The following MAGI1 variants were observed in gnomAD, a reference collection of about 807,000 sequenced individuals.
MAGI1 encodes membrane-associated guanylate kinase, WW and PDZ domain-containing protein 1.
A neutral mutation model predicts 139.9 loss-of-function variants in MAGI1; 58 were observed. The ratio of observed to expected loss-of-function variants is 0.41; its 90% CI spans 0.34 to 0.52. MAGI1 has a LOEUF of 0.52. Ranked by LOEUF, MAGI1 falls within the 20% of genes least tolerant of loss-of-function variation. MAGI1 has a pLI of 0.12. For synonymous variants in MAGI1, 812 were observed against 737.9 expected, an observed-to-expected ratio of 1.10 and a Z score of -1.63; for missense variants, 1,874 against 1,901.6, an observed-to-expected ratio of 0.99 and a Z score of 0.27.
At chr3:65,731,833 T>C (rs574498775) in intron 1 of MAGI1, among the ~76,000 whole-genome samples, 37 of 152,222 alleles carry the variant, frequency 2.4e-4, no homozygotes, top group African/African-American at 2.6e-4. Flanking sequence ...TAAATGTGGA[T>C]AGTAGCCAGA....
chr3:65,807,469 T>C (rs1012252727), intron 1 of MAGI1, among the ~76,000 whole-genome samples: 7 of 152,170 alleles, frequency 4.6e-5, no homozygotes, highest in Admixed American at 2.0e-4. Context: ...CACTATCACA[T>C]TGGCAATTAA....
chr3:65,984,913 C>A (rs183958596), intron 1 of MAGI1, among the ~76,000 whole-genome samples: 2 of 152,138 alleles, frequency 1.3e-5, no homozygotes, highest in Admixed American at 6.5e-5. Context: ...TTTCTCTTTT[C>A]TTTGTAGATG....
Position 65,783,398 on chromosome 3 carries a change from G to A in MAGI1, c.314-161310C>T, listed in dbSNP as rs186659706. 3.3e-3 allele frequency among the ~76,000 whole-genome samples: 506 copies of A among 152,058 alleles called. 1 individual carries two copies. Among genetic ancestry groups the A allele is most frequent in the Non-Finnish European group, 5.2e-3 (353 of 67,996 alleles). ...GCACAGGGGCTCACGCCTGTAATCC[G>A]AACACTTTGAGAGGGCAGGTGGGAG... On this transcript the variant is annotated intron_variant, in intron 1 of 22. Coordinates refer to ENST00000402939, the MANE Select transcript of MAGI1 (RefSeq NM_001033057.2).
intron 1 of MAGI1, among the ~76,000 whole-genome samples, chr3:65,767,722 C>T (rs901894015): frequency 1.3e-5 from 2 of 152,134 alleles, no homozygotes; most frequent in Non-Finnish European, 2.9e-5. Flanking sequence ...GCTAAGGTTC[C>T]ATTCACCAAA....
intron 1 of MAGI1, among the ~76,000 whole-genome samples, chr3:65,870,700 A>G (rs2059908208): frequency 6.8e-6 from 1 of 146,944 alleles, no homozygotes; most frequent in African/African-American, 2.6e-5. Flanking sequence ...TCATAGTGGG[A>G]TTTTACCATT....
intron 1 of MAGI1, among the ~76,000 whole-genome samples, chr3:65,930,732 G>C (rs1281523766): frequency 2.6e-5 from 4 of 152,130 alleles, no homozygotes; most frequent in African/African-American, 9.7e-5. Flanking sequence ...GATAACGCAA[G>C]TGACCTCTGG....
chr3:65,443,134 T>G (rs575741113), intron 7 of MAGI1, among the ~76,000 whole-genome samples: 28 of 152,306 alleles, frequency 1.8e-4, no homozygotes, highest in Non-Finnish European at 2.9e-4. Flanking sequence ...TTAGTGAAAA[T>G]ATAGGTTAAA....
intron 3 of MAGI1, among the ~76,000 whole-genome samples, chr3:65,482,238 T>G (rs1209693474): frequency 2.0e-5 from 3 of 152,208 alleles, no homozygotes; most frequent in Non-Finnish European, 4.4e-5. Context: ...AGAACCTAGT[T>G]TACACCTAGA....
chr3:65,574,956 C>T (rs72902253), intron 2 of MAGI1, among the ~76,000 whole-genome samples: 2,301 of 152,054 alleles, frequency 0.015, 46 homozygotes, highest in African/African-American at 0.046. Context: ...AAAACTAAAA[C>T]CGAAAACCAT....
chr3:65,720,283 G>T (rs2032850013), intron 1 of MAGI1, among the ~76,000 whole-genome samples: 1 of 152,054 alleles, frequency 6.6e-6, no homozygotes, highest in African/African-American at 2.4e-5. Context: ...TAGGAAGAGG[G>T]GTCCTGTGCT....
intron 1 of MAGI1, among the ~76,000 whole-genome samples, chr3:65,913,111 A>C (rs1353144755): frequency 6.6e-6 from 1 of 152,088 alleles, no homozygotes; most frequent in Non-Finnish European, 1.5e-5. Flanking sequence ...TACTACAAAA[A>C]TTAGCCAGGC....
At chr3:65,587,479 C>CTTTTTTTTTTT (rs755825684) in intron 2 of MAGI1, among the ~76,000 whole-genome samples, 1 of 109,520 alleles carries the variant, frequency 9.1e-6, no homozygotes, top group African/African-American at 3.9e-5. Flanking sequence ...TTACTTTTTT[C>CTTTTTTTTTTT]TTTTTTTTTT....
chr3:65,966,122 C>T lies in MAGI1; in HGVS notation c.313+71874G>A, dbSNP rs183537145. On this transcript the variant is annotated intron_variant, in intron 1 of 22. Coordinates refer to ENST00000402939, the MANE Select transcript of MAGI1 (RefSeq NM_001033057.2). ...CTTATTTCTATTTTCTAACCTTCTT[C>T]CCACAAAATATTTTGGACAACAAAC... 1.7e-3 allele frequency among the ~76,000 whole-genome samples: 264 copies of T among 152,276 alleles called. 3 individuals carry two copies. Among genetic ancestry groups the T allele is most frequent in the South Asian group, 0.015 (74 of 4,822 alleles).
rs191234887 is a variant in MAGI1 at position 65,501,309 on chromosome 3, T to C, written c.431-7678A>G. ...GTCTGGCCAAGATGGTGAAACCCCA[T>C]TTCTACTAAAAATAGAAAAATTAGT... On this transcript the variant is annotated intron_variant, in intron 2 of 22. Coordinates refer to ENST00000402939, the MANE Select transcript of MAGI1 (RefSeq NM_001033057.2). Among the ~76,000 whole-genome samples, 196 of 152,098 alleles carry C rather than the reference T, an allele frequency of 1.3e-3. 2 individuals are homozygous for C. Among genetic ancestry groups the C allele is most frequent in the Non-Finnish European group, 2.0e-3 (135 of 68,002 alleles).
At chr3:65,806,759 T>C (rs1346879380) in intron 1 of MAGI1, among the ~76,000 whole-genome samples, 1 of 152,156 alleles carries the variant, frequency 6.6e-6, no homozygotes, top group African/African-American at 2.4e-5. Context: ...ATCAAACTGA[T>C]CTAAATATAC....
At chr3:65,694,947 C>A (rs1334547296) in intron 1 of MAGI1, among the ~76,000 whole-genome samples, 2 of 152,106 alleles carry the variant, frequency 1.3e-5, no homozygotes, top group East Asian at 1.9e-4. Flanking sequence ...TTAGCCACTA[C>A]CACATTCAGG....
At chr3:65,557,215 A>G (rs2080128166) in intron 2 of MAGI1, among the ~76,000 whole-genome samples, 2 of 152,156 alleles carry the variant, frequency 1.3e-5, no homozygotes, top group African/African-American at 2.4e-5. Flanking sequence ...TGCCACCCCT[A>G]AGATTAGGTT....
At chr3:65,766,812 C>G (rs1343056922) in intron 1 of MAGI1, among the ~76,000 whole-genome samples, 1 of 152,022 alleles carries the variant, frequency 6.6e-6, no homozygotes, top group African/African-American at 2.4e-5. Context: ...TCGCTTAAAC[C>G]TGGGAGGCAG....
intron 1 of MAGI1, among the ~76,000 whole-genome samples, chr3:65,981,895 G>A (rs1368150951): frequency 1.3e-5 from 2 of 152,126 alleles, no homozygotes; most frequent in African/African-American, 4.8e-5. Flanking sequence ...CTAGTCTCAG[G>A]TATGTCCTTA....
Sources: allele counts gnomAD v4.1 joint callset (sites outside exome capture counted in the v4.1 genomes callset), GRCh38; gene constraint gnomAD v4.1.1; transcripts MANE v1.5; gene names NCBI Gene and HGNC (gene_info 2026-07-23, HGNC 2026-07-21).